Variants in NRXN1 observed in about 807,000 individuals in gnomAD.
NRXN1 encodes neurexin-1.
Under a neutral mutation model 150.9 loss-of-function variants are expected in NRXN1, and 39 were observed. The ratio of observed to expected loss-of-function variants is 0.26; its 90% CI spans 0.20 to 0.34. The LOEUF (loss-of-function observed/expected upper bound fraction) is 0.34, where lower values mean the gene tolerates loss of function less well. Ranked by LOEUF, NRXN1 falls within the 10% of genes least tolerant of loss-of-function variation. NRXN1 has a pLI of 1.00. For synonymous variants in NRXN1, 924 were observed against 757.0 expected, an observed-to-expected ratio of 1.22 and a Z score of -3.62; for missense variants, 1,815 against 1,949.9, an observed-to-expected ratio of 0.93 and a Z score of 1.30.
At chr2:50,186,563 C>T (rs911938015) in intron 18 of NRXN1, among the ~76,000 whole-genome samples, 1 of 151,962 alleles carries the variant, frequency 6.6e-6, no homozygotes, top group African/African-American at 2.4e-5. Flanking sequence ...CTTTTCATCA[C>T]CAAATGTCTC....
chr2:50,473,495 A>C (rs968615197), intron 15 of NRXN1, among the ~76,000 whole-genome samples: 2 of 152,074 alleles, frequency 1.3e-5, no homozygotes, highest in Non-Finnish European at 2.9e-5. Context: ...GAACATAAGG[A>C]AGGTGAGCTC....
intron 5 of NRXN1, among the ~76,000 whole-genome samples, chr2:50,800,363 A>AT (rs1201888854): frequency 1.3e-5 from 2 of 151,948 alleles, no homozygotes; most frequent in Non-Finnish European, 2.9e-5. Flanking sequence ...TGCACTTTGC[A>AT]TTTTTTTCTA....
chr2:50,924,271 G>T (rs1686524657), intron 3 of NRXN1, among the ~76,000 whole-genome samples: 1 of 151,656 alleles, frequency 6.6e-6, no homozygotes, highest in African/African-American at 2.4e-5. Context: ...CATTCTTCCT[G>T]CTAGACTTTC....
intron 5 of NRXN1, among the ~76,000 whole-genome samples, chr2:50,800,898 G>A (rs1050431929): frequency 6.6e-6 from 1 of 152,092 alleles, no homozygotes; most frequent in African/African-American, 2.4e-5. Context: ...CATTTTTAAT[G>A]ACATTTGGAA....
Position 50,771,678 on chromosome 2 carries a change from G to C in NRXN1, c.833-148063C>G, listed in dbSNP as rs574316610. ...ACCAGTTTTGGCTGGAATCTTGGAAGTCTGAGGCATTTTCCGTGAAGGAAG... is the reference window on the plus strand; with the variant it reads ...ACCAGTTTTGGCTGGAATCTTGGAACTCTGAGGCATTTTCCGTGAAGGAAG... On this transcript the variant is annotated intron_variant, in intron 5 of 22. Transcript: ENST00000401669. Among the ~76,000 whole-genome samples the C allele has an allele frequency of 2.9e-4, 44 of 152,252 alleles. 1 individual carries two copies. In the South Asian group the frequency reaches 8.5e-3, roughly 29 times the overall value.
intron 2 of NRXN1, among the ~76,000 whole-genome samples, chr2:50,963,369 TTCC>T (rs1693513257): frequency 6.6e-6 from 1 of 151,578 alleles, no homozygotes; most frequent in Non-Finnish European, 1.5e-5. Flanking sequence ...CCCTTTCACT[TTCC>T]TCCTTTCATT....
intron 17 of NRXN1, among the ~76,000 whole-genome samples, chr2:50,356,979 T>G (rs1015580761): frequency 6.6e-6 from 1 of 152,104 alleles, no homozygotes; most frequent in Non-Finnish European, 1.5e-5. Flanking sequence ...TCACTACCAA[T>G]GCCCTTAAAT....
chr2:50,525,591 T>C (rs1038039975), intron 12 of NRXN1, among the ~76,000 whole-genome samples: 2 of 152,190 alleles, frequency 1.3e-5, no homozygotes, highest in Admixed American at 6.5e-5. Context: ...TGGTATAAGC[T>C]AATGAGCATC....
intron 5 of NRXN1, among the ~76,000 whole-genome samples, chr2:50,669,098 G>T (rs1016781358): frequency 6.6e-6 from 1 of 151,862 alleles, no homozygotes; most frequent in South Asian, 2.1e-4. Context: ...ATTGAGTGTA[G>T]CCAGCTGGTC....
At chr2:50,278,546 G>T (rs1227295594) in intron 17 of NRXN1, among the ~76,000 whole-genome samples, 3 of 151,064 alleles carry the variant, frequency 2.0e-5, no homozygotes, top group East Asian at 3.9e-4. Context: ...TTAATCAAGG[G>T]CCCCTGTATT....
At chr2:50,465,636 T>G (rs1032576839) in intron 16 of NRXN1, 75 bp from the exon 17 acceptor site, 2 of 1,458,452 alleles carry the variant, frequency 1.4e-6, no homozygotes, top group African/African-American at 2.8e-5. Context: ...CTAGATCACA[T>G]GTAGTAGTTG....
In NRXN1 at chr2:50,360,087, T is replaced by C. The variant is rs1420536615; in HGVS notation, c.3364+105355A>G. On this transcript the variant is annotated intron_variant, in intron 17 of 22. Coordinates refer to ENST00000401669, the MANE Select transcript of NRXN1 (RefSeq NM_001330078.2). The stretch of plus-strand genomic sequence containing the variant: ...GATTTTGTCACCACCAGGCCTGCCT[T>C]ACAAGAGCTCCTGAAGGAAGCACTA... Among the ~76,000 whole-genome samples, 5 of 152,184 alleles carry C rather than the reference T, an allele frequency of 3.3e-5. No individual in the cohort carries two copies. In the East Asian group the frequency reaches 9.6e-4, roughly 29 times the overall value.
Position 50,497,438 on chromosome 2 carries a change from G to A in NRXN1, c.2774C>T (p.Thr925Ile), listed in dbSNP as rs771259780. The change falls in exon 14 of 23, where the codon ACT (threonine) becomes ATT (isoleucine). Residue 925 changes from threonine to isoleucine, a missense_variant. Transcript: ENST00000401669. The stretch of plus-strand genomic sequence containing the variant: ...GAACTGGAAAAAAAGATGCATAGAA[G>A]TGTAGGCTTGCAAGGTAGCTAAGGC... ...YVALATLQAY[T>I]SMHLFFQFKT... is the part of the protein sequence containing the mutation. The A allele has an allele frequency of 6.8e-6, 11 of 1,613,552 alleles. No homozygotes were observed. The highest frequency in any genetic ancestry group is 1.7e-5 in the Admixed American group (1 of 59,988).
intron 18 of NRXN1, among the ~76,000 whole-genome samples, chr2:50,147,161 G>C (rs1336790040): frequency 6.6e-6 from 1 of 151,678 alleles, no homozygotes; most frequent in Non-Finnish European, 1.5e-5. Flanking sequence ...GTTTCAGCAA[G>C]CATTGCAGTT....
intron 5 of NRXN1, chr2:50,637,688 A>T (rs1269684097): frequency 6.6e-6 from 1 of 152,174 alleles, no homozygotes; most frequent in Non-Finnish European, 1.5e-5. Flanking sequence ...GAATTCCCCA[A>T]ATCAGAAAAC....
At chr2:50,082,348 T>C (rs1698093678) in intron 19 of NRXN1, among the ~76,000 whole-genome samples, 2 of 152,182 alleles carry the variant, frequency 1.3e-5, no homozygotes, top group Admixed American at 6.5e-5. Flanking sequence ...GTATAACCCT[T>C]CATTATGATA....
In NRXN1 at chr2:50,091,444, G is replaced by A. The variant is rs1215175977; in HGVS notation, c.3597C>T (p.Ala1199=). The A allele has an allele frequency of 1.2e-6, 2 of 1,614,134 alleles. No homozygotes were observed. The highest frequency in any genetic ancestry group is 1.3e-5 in the African/African-American group (1 of 75,050). ...VKFNVGTDDI[A]IEESNAIIND... is the part of the protein sequence containing the mutation. ...TAATGATTGCATTGGATTCTTCAAT[G>A]GCGATGTCATCTGTCCCAACATTAA... Residue 1199 remains alanine (A), a synonymous_variant, in exon 19 of 23, where the codon GCC becomes GCT. Transcript: ENST00000401669.
chr2:50,660,957 C>A (rs1287802140), intron 5 of NRXN1, among the ~76,000 whole-genome samples: 1 of 151,964 alleles, frequency 6.6e-6, no homozygotes, highest in Non-Finnish European at 1.5e-5. Flanking sequence ...GCATATACAT[C>A]TTAAAATATC....
intron 2 of NRXN1, among the ~76,000 whole-genome samples, chr2:50,974,975 T>G (rs72828326): frequency 0.032 from 4,874 of 152,166 alleles, 126 homozygotes; most frequent in Non-Finnish European, 0.043. Flanking sequence ...GAATTAATTT[T>G]ATGATCCTCT....
Sources: gnomAD v4.1 joint callset for allele counts (sites outside exome capture counted in the v4.1 genomes callset) on GRCh38, gnomAD v4.1.1 for gene constraint, MANE v1.5 for transcripts, NCBI Gene and HGNC (gene_info 2026-07-23, HGNC 2026-07-21) for gene names.